RNMT: variants seen among roughly 807,000 people sequenced by gnomAD.
The protein encoded by RNMT is RNA guanine-7 methyltransferase.
A neutral mutation model predicts 56.0 loss-of-function variants in RNMT; 27 were observed. The ratio of observed to expected loss-of-function variants is 0.48; its 90% confidence interval spans 0.36 to 0.67. The LOEUF is 0.67. Ranked by LOEUF, RNMT falls within the 30% of genes least tolerant of loss-of-function variation. RNMT has a pLI of 0.00. For synonymous variants in RNMT, 184 were observed against 176.2 expected (o/e 1.04, Z -0.35); for missense variants, 519 against 552.1 (o/e 0.94, Z 0.60).
At chr18:13,737,236 G>T in intron 5 of RNMT, 101 bp downstream of exon 5, 1 of 1,091,680 alleles carries the variant, frequency 9.2e-7, no homozygotes, top group Non-Finnish European at 1.3e-6. Context: ...CTATGCATGA[G>T]ATGGGTTTTT....
intron 11 of RNMT, among the ~76,000 whole-genome samples, chr18:13,754,788 C>T (rs866703484): frequency 1.9e-4 from 29 of 152,148 alleles, no homozygotes; most frequent in South Asian, 1.5e-3. Flanking sequence ...ACTTGCATGT[C>T]TTTTTTTTAT....
chr18:13,760,014 T>C lies in RNMT; in HGVS notation c.*35T>C. On this transcript the variant is annotated 3_prime_UTR_variant, in exon 12 of 12. Transcript: ENST00000383314. ...CAGTAGTCCCAGAGGGGCCGTGTTC[T>C]GTCCTGCACAAATTTGAACAACTCA... 1.2e-6 allele frequency: 2 copies of C among 1,606,396 alleles called. No homozygotes were observed. The highest frequency in any genetic ancestry group is 1.1e-5 in the South Asian group (1 of 89,132).
At chr18:13,759,273 AAGCT>A (rs1211504902) in intron 11 of RNMT, among the ~76,000 whole-genome samples, 2 of 152,224 alleles carry the variant, frequency 1.3e-5, no homozygotes, top group African/African-American at 4.8e-5. Flanking sequence ...AAGCTAAATA[AAGCT>A]AGGTATGCCT....
At chr18:13,750,048 C>G (rs895534159) in intron 9 of RNMT, among the ~76,000 whole-genome samples, 41 of 152,036 alleles carry the variant, frequency 2.7e-4, no homozygotes, top group African/African-American at 9.4e-4. Context: ...CATGAGCTAC[C>G]GAGCCAGGCC....
rs2044605847 is a variant in RNMT at position 13,760,452 on chromosome 18, A to G, written c.*473A>G. 4.1e-6 allele frequency: 4 copies of G among 985,636 alleles called. No homozygotes were observed. Among genetic ancestry groups the G allele is most frequent in the East Asian group, 1.1e-4 (1 of 8,836 alleles). 61.1% of individuals were successfully genotyped at this position (985,636 alleles called of 1,614,324 possible). A position where few individuals can be genotyped will look rare whatever the true frequency, so the allele number is the denominator to read the frequency against. On this transcript the variant is annotated 3_prime_UTR_variant, in exon 12 of 12. Transcript: ENST00000383314. ...CTGTACAGTTGAATGTAAGTGTTCA[A>G]TATGTATTGCTGAAGTTATAAGTTT...
chr18:13,761,394 T>A lies in RNMT; in HGVS notation c.*1415T>A. The A allele has an allele frequency of 2.0e-6, 2 of 985,498 alleles. No homozygotes were observed. The highest frequency in any genetic ancestry group is 2.4e-6 in the Non-Finnish European group (2 of 829,958). The allele number at this position is 985,498 out of a possible 1,614,324, so 61.0% of individuals were successfully genotyped here. A position where few individuals can be genotyped will look rare whatever the true frequency, so the allele number is the denominator to read the frequency against. ...GAGGTGGGGAAAGGAAGTCTTCCTG[T>A]CACATATGCAGGTTCGTTTTCATTC... On this transcript the variant is annotated 3_prime_UTR_variant, in exon 12 of 12. Transcript: ENST00000383314.
At chr18:13,734,746 A>C in intron 4 of RNMT, 147 bp downstream of exon 4, 1 of 651,194 alleles carries the variant, frequency 1.5e-6, no homozygotes, top group South Asian at 2.8e-5. Context: ...GATTTTAATG[A>C]GTGTTTAATT....
rs761659689 is a variant in RNMT at position 13,731,625 on chromosome 18, A to G, written c.108A>G (p.Thr36=). Residue 36 remains threonine (T), a synonymous_variant, in exon 3 of 12, where the codon ACA becomes ACG. Coordinates refer to ENST00000383314, the MANE Select transcript of RNMT (RefSeq NM_003799.3). ...CTTCATTCAATATTAATGAAAACAC[A>G]ACAGCTTCTGGGACTGGGCTTTCTG... The part of the protein sequence containing the change: ...TESSFNINEN[T]TASGTGLSEK... 5.6e-6 allele frequency: 9 copies of G among 1,614,156 alleles called. No homozygotes were observed. The East Asian group carries it at 1.8e-4, about 32-fold the overall frequency.
chr18:13,746,151 T>C (rs1321553746), intron 8 of RNMT, 69 bp from the exon 9 acceptor site: 2 of 777,060 alleles, frequency 2.6e-6, no homozygotes, highest in African/African-American at 3.5e-5. Context: ...ATGTCATTGC[T>C]GTACAAAAGT....
intron 5 of RNMT, 63 bp from the exon 6 acceptor site, chr18:13,740,104 G>T: frequency 1.0e-6 from 1 of 964,806 alleles, no homozygotes. Flanking sequence ...TGTCAGTTGA[G>T]ATCAATGTCT....
chr18:13,728,925 A>G (rs914081573), intron 1 of RNMT, among the ~76,000 whole-genome samples: 2 of 152,072 alleles, frequency 1.3e-5, no homozygotes, highest in African/African-American at 4.8e-5. Context: ...CCCATTCTCT[A>G]GGTTATCTCT....
rs796698851 is a variant in RNMT, at chr18:13,754,059, T to C, written c.1360-55T>C. On this transcript the variant is annotated intron_variant, in intron 10 of 11. Transcript: ENST00000383314. The stretch of plus-strand genomic sequence containing the variant: ...TCTGCCCATTATTTAGAAATAAGCA[T>C]ATGTTTACTTCCATATTGAATCTAA... 30 of 961,790 alleles carry C rather than the reference T, an allele frequency of 3.1e-5. No individual in the cohort carries two copies. The African/African-American group carries it at 4.9e-4, about 16-fold the overall frequency. 59.6% of individuals were successfully genotyped at this position (961,790 alleles called of 1,614,324 possible). A position where few individuals can be genotyped will look rare whatever the true frequency, so the allele number is the denominator to read the frequency against.
At chr18:13,747,547 C>A (rs945932216) in intron 9 of RNMT, among the ~76,000 whole-genome samples, 3 of 152,124 alleles carry the variant, frequency 2.0e-5, no homozygotes, top group Non-Finnish European at 2.9e-5. Flanking sequence ...AGTGGGCAGC[C>A]TGAGGCTCAG....
In RNMT at chr18:13,762,265, G is replaced by C; in HGVS notation, c.*2286G>C. Reference sequence around the variant, plus strand: ...CATGGCTGGATTGTGATTTAACCAAGAATGCTGATGTTGAATTCTTTGGGC... The same window carrying C: ...CATGGCTGGATTGTGATTTAACCAACAATGCTGATGTTGAATTCTTTGGGC... On this transcript the variant is annotated 3_prime_UTR_variant, in exon 12 of 12. Coordinates refer to ENST00000383314, the MANE Select transcript of RNMT (RefSeq NM_003799.3). 2 of 1,245,422 alleles carry C rather than the reference G, an allele frequency of 1.6e-6. No homozygotes were observed. Among genetic ancestry groups the C allele is most frequent in the African/African-American group, 1.5e-5 (1 of 66,050 alleles). The allele number at this position is 1,245,422 out of a possible 1,614,324, so 77.1% of individuals were successfully genotyped here.
chr18:13,733,053 G>A (rs1024302762), intron 3 of RNMT, among the ~76,000 whole-genome samples: 6 of 151,936 alleles, frequency 3.9e-5, no homozygotes, highest in African/African-American at 1.5e-4. Flanking sequence ...GAGCCACTGC[G>A]CCTGGCTGGG....
intron 11 of RNMT, among the ~76,000 whole-genome samples, chr18:13,755,015 G>A (rs890010038): frequency 3.9e-5 from 6 of 152,196 alleles, no homozygotes; most frequent in African/African-American, 1.2e-4. Context: ...AAGTCAGGTT[G>A]CAGAGCCTCA....
intron 3 of RNMT, 122 bp from the exon 4 acceptor site, chr18:13,734,342 C>A: frequency 1.2e-6 from 1 of 809,644 alleles, no homozygotes; most frequent in Non-Finnish European, 1.9e-6. Context: ...TGGTTAATTG[C>A]CATTGTTTAG....
intron 9 of RNMT, among the ~76,000 whole-genome samples, chr18:13,747,609 TG>T (rs1463149368): frequency 6.6e-6 from 1 of 152,214 alleles, no homozygotes; most frequent in Non-Finnish European, 1.5e-5. Context: ...CTTCAGTTTT[TG>T]TAGATGATAC....
At chr18:13,753,632 G>T (rs1201555834) in intron 10 of RNMT, among the ~76,000 whole-genome samples, 2 of 151,612 alleles carry the variant, frequency 1.3e-5, no homozygotes, top group Non-Finnish European at 2.9e-5. Flanking sequence ...TTAGCTAGGC[G>T]TGGTGGCGGG....
Sources: gnomAD v4.1 joint callset for allele counts (sites outside exome capture counted in the v4.1 genomes callset) on GRCh38, gnomAD v4.1.1 for gene constraint, MANE v1.5 for transcripts, NCBI Gene and HGNC (gene_info 2026-07-23, HGNC 2026-07-21) for gene names.